The following MS4A1 variants were observed in gnomAD, a reference collection of about 807,000 sequenced individuals.
The protein encoded by MS4A1 is membrane spanning 4-domains A1.
Under a neutral mutation model 26.5 loss-of-function variants are expected in MS4A1, and 16 were observed. The ratio of observed to expected loss-of-function variants is 0.60; its 90% CI spans 0.41 to 0.92. The LOEUF (loss-of-function observed/expected upper bound fraction) is 0.92, where lower values mean the gene tolerates loss of function less well. MS4A1 is among the 40% of genes least tolerant of loss of function. The probability of loss-of-function intolerance (pLI) is 0.00; values close to 1 mark genes in which losing one functional copy is unlikely to be tolerated. For synonymous variants in MS4A1, 128 were observed against 117.6 expected, an observed-to-expected ratio of 1.09 and a Z score of -0.57; for missense variants, 350 against 353.0, an observed-to-expected ratio of 0.99 and a Z score of 0.07.
In MS4A1 at chr11:60,470,210, T is replaced by C. The variant is rs1472573634; in HGVS notation, c.*1742T>C. The C allele has an allele frequency of 6.6e-6, 1 of 151,998 alleles. No homozygotes were observed. Among genetic ancestry groups the C allele is most frequent in the Non-Finnish European group, 1.5e-5 (1 of 67,892 alleles). The allele number at this position is 151,998 out of a possible 1,614,324, so 9.4% of individuals were successfully genotyped here. ...AGGTCATCAAATATTCATGTCTATATAGTCTTACACAGGTTCTCAAAAAAA... is the reference window on the plus strand; with the variant it reads ...AGGTCATCAAATATTCATGTCTATACAGTCTTACACAGGTTCTCAAAAAAA... On this transcript the variant is annotated 3_prime_UTR_variant, in exon 8 of 8. Coordinates refer to ENST00000345732, the MANE Select transcript of MS4A1 (RefSeq NM_152866.3).
intron 3 of MS4A1, 139 bp from the exon 4 acceptor site, chr11:60,462,863 C>A (rs2086259980): frequency 7.5e-7 from 1 of 1,337,406 alleles, no homozygotes. Context: ...AAGAAAAAGA[C>A]AAAATTCTTG....
intron 5 of MS4A1, among the ~76,000 whole-genome samples, chr11:60,464,686 C>G (rs980753629): frequency 6.6e-6 from 1 of 152,170 alleles, no homozygotes; most frequent in African/African-American, 2.4e-5. Flanking sequence ...ATGATTGATT[C>G]AAATTCTAGC....
intron 1 of MS4A1, among the ~76,000 whole-genome samples, chr11:60,458,681 G>A (rs1226762139): frequency 3.3e-5 from 5 of 152,166 alleles, no homozygotes; most frequent in South Asian, 4.1e-4. Context: ...GCAAAATTGC[G>A]AGAATCTCCA....
At position 60,455,856 on chromosome 11, in the gene MS4A1, C is replaced by T. The variant is rs1460479925; in HGVS notation, c.-369C>T. 6.6e-6 allele frequency: 1 copy of T among 152,230 alleles called. No homozygotes were observed. The highest frequency in any genetic ancestry group is 1.5e-5 in the Non-Finnish European group (1 of 68,040). 9.4% of individuals were successfully genotyped at this position (152,230 alleles called of 1,614,324 possible). A position where few individuals can be genotyped will look rare whatever the true frequency, so the allele number is the denominator to read the frequency against. ...AGGCCTGGACTACACCACTCACCCT[C>T]CCAGTGTGCTTGAGAAACAAACTGC... On this transcript the variant is annotated 5_prime_UTR_variant, in exon 1 of 8. Transcript: ENST00000345732.
rs201861406 is a variant in MS4A1, at chr11:60,468,354, A to C, written c.780A>C (p.Glu260Asp). The C allele has an allele frequency of 6.2e-6, 10 of 1,613,974 alleles. No homozygotes were observed. The highest frequency in any genetic ancestry group is 1.6e-4 in the Middle Eastern group (1 of 6,084). Residue 260 changes from glutamate to aspartate, a missense_variant, in exon 8 of 8, where the codon GAA becomes GAC. Glu to Asp is a conservative substitution (Grantham distance 45, BLOSUM62 2). Coordinates refer to ENST00000345732, the MANE Select transcript of MS4A1 (RefSeq NM_152866.3). The stretch of plus-strand genomic sequence containing the variant: ...CATCTTCCCAACCAAAGAATGAAGA[A>C]GACATTGAAATTATTCCAATCCAAG... ...TETSSQPKNEEDIEIIPIQEE... is the reference protein window; with the variant it reads ...TETSSQPKNEDDIEIIPIQEE...
chr11:60,458,218 C>T (rs1158349382), intron 1 of MS4A1: 1 of 152,174 alleles, frequency 6.6e-6, no homozygotes, highest in East Asian at 1.9e-4. Context: ...AGTAAGAGCA[C>T]TCTTCCTCGG....
At position 60,466,988 on chromosome 11, in the gene MS4A1, C is replaced by G; in HGVS notation, c.603C>G (p.Ala201=). The part of the protein sequence containing the change: ...LGILSVMLIF[A]FFQELVIAGI... Reference sequence around the variant, plus strand: ...TTTTGTCAGTGATGCTGATCTTTGCCTTCTTCCAGGAACTTGTAATAGCTG... The same window carrying G: ...TTTTGTCAGTGATGCTGATCTTTGCGTTCTTCCAGGAACTTGTAATAGCTG... The change falls in exon 7 of 8, where the codon GCC becomes GCG. Residue 201 remains alanine, a synonymous_variant. Transcript: ENST00000345732. The G allele has an allele frequency of 6.2e-7, 1 of 1,614,044 alleles. No individual in the cohort carries two copies. Among genetic ancestry groups the G allele is most frequent in the South Asian group, 1.1e-5 (1 of 91,076 alleles).
intron 7 of MS4A1, 32 bp from the exon 8 acceptor site, chr11:60,468,218 T>G (rs1249581313): frequency 1.3e-6 from 2 of 1,525,950 alleles, no homozygotes; most frequent in South Asian, 2.3e-5. Context: ...GTGGTAAAAG[T>G]AAAGAATGGT....
intron 2 of MS4A1, 91 bp from the exon 3 acceptor site, chr11:60,462,094 A>T: frequency 1.9e-6 from 1 of 517,658 alleles, no homozygotes; most frequent in Non-Finnish European, 3.6e-6. Context: ...ACAAAGATAA[A>T]GAATGCCCCA....
At chr11:60,458,408 G>C (rs976094640) in intron 1 of MS4A1, among the ~76,000 whole-genome samples, 2 of 152,166 alleles carry the variant, frequency 1.3e-5, no homozygotes, top group African/African-American at 4.8e-5. Context: ...TTATTCAGTG[G>C]ATGGACATGA....
At chr11:60,457,677 CAAAT>C (rs2086215320) in intron 1 of MS4A1, among the ~76,000 whole-genome samples, 1 of 152,148 alleles carries the variant, frequency 6.6e-6, no homozygotes, top group South Asian at 2.1e-4. Flanking sequence ...GCAGGAGAAA[CAAAT>C]AAAACAATCT....
chr11:60,467,163 CT>C (rs1259737780), intron 7 of MS4A1, 103 bp downstream of exon 7: 12 of 1,006,170 alleles, frequency 1.2e-5, no homozygotes, highest in African/African-American at 1.6e-5. Flanking sequence ...AAACTAGGAG[CT>C]TGATTTAAAA....
At position 60,462,468 on chromosome 11, in the gene MS4A1, A is replaced by G; in HGVS notation, c.94A>G (p.Arg32Gly). 1 of 1,614,216 alleles carries G rather than the reference A, an allele frequency of 6.2e-7. No homozygotes were observed. Among genetic ancestry groups the G allele is most frequent in the Non-Finnish European group, 8.5e-7 (1 of 1,180,040 alleles). The change falls in exon 3 of 8, where the codon AGG becomes GGG. Residue 32 changes from arginine (R) to glycine (G), a missense_variant. Transcript: ENST00000345732. The stretch of plus-strand genomic sequence containing the variant: ...GCAATCTGGTCCAAAACCACTCTTC[A>G]GGAGGATGTCTTCACTGGTGGGCCC... ...AMQSGPKPLF[R>G]RMSSLVGPTQ...
At chr11:60,457,395 G>A (rs988289587) in intron 1 of MS4A1, among the ~76,000 whole-genome samples, 3 of 152,168 alleles carry the variant, frequency 2.0e-5, no homozygotes, top group Non-Finnish European at 2.9e-5. Context: ...GGCTCAGGAA[G>A]AGCATCACTC....
chr11:60,456,777 T>C (rs530606079), intron 1 of MS4A1, among the ~76,000 whole-genome samples: 1 of 152,254 alleles, frequency 6.6e-6, no homozygotes, highest in East Asian at 1.9e-4. Context: ...GTGAGCATTT[T>C]TGTGTGTGTG....
chr11:60,462,071 C>G (rs2086252288), intron 2 of MS4A1, 114 bp from the exon 3 acceptor site: 1 of 454,190 alleles, frequency 2.2e-6, no homozygotes, highest in Non-Finnish European at 4.1e-6. Context: ...GTCATATATG[C>G]AAGGTGTCCT....
rs202015731 is a variant in MS4A1, at chr11:60,469,878, T to C, written c.*1410T>C. On this transcript the variant is annotated 3_prime_UTR_variant, in exon 8 of 8. Coordinates refer to ENST00000345732, the MANE Select transcript of MS4A1 (RefSeq NM_152866.3). ...TTGCTACATGATGAGTGCTGCCAGA[T>C]TGTGGCAGGTAAAGAGACAATGTAA... is the stretch of plus-strand genomic sequence containing the variant. 18 of 152,100 alleles carry C rather than the reference T, an allele frequency of 1.2e-4. No individual in the cohort carries two copies. Among genetic ancestry groups the C allele is most frequent in the South Asian group, 4.1e-4 (2 of 4,830 alleles). 9.4% of individuals were successfully genotyped at this position (152,100 alleles called of 1,614,324 possible).
intron 3 of MS4A1, 129 bp from the exon 4 acceptor site, chr11:60,462,873 G>T (rs1024831849): frequency 1.5e-6 from 2 of 1,379,144 alleles, no homozygotes; most frequent in Non-Finnish European, 2.0e-6. Flanking sequence ...CAAAATTCTT[G>T]GCACCTCCAC....
intron 2 of MS4A1, among the ~76,000 whole-genome samples, chr11:60,461,929 T>G (rs919722543): frequency 2.0e-5 from 3 of 152,194 alleles, no homozygotes; most frequent in Non-Finnish European, 2.9e-5. Context: ...TACTCTGCAA[T>G]GTTGCCTCTG....
Sources: gnomAD v4.1 joint callset for allele counts (sites outside exome capture counted in the v4.1 genomes callset) on GRCh38, gnomAD v4.1.1 for gene constraint, MANE v1.5 for transcripts, NCBI Gene and HGNC (gene_info 2026-07-23, HGNC 2026-07-21) for gene names.